NRG3: variants seen among roughly 807,000 people sequenced by gnomAD.
NRG3 encodes the protein neuregulin 3, also known as pro-neuregulin-3, membrane-bound isoform.
A neutral mutation model predicts 66.9 loss-of-function variants in NRG3; 31 were observed. That is an observed-to-expected ratio of 0.46 (90% CI 0.35 to 0.63). The LOEUF (loss-of-function observed/expected upper bound fraction) is 0.63, where lower values mean the gene tolerates loss of function less well. Among genes scored for constraint, NRG3 ranks in the 20% least tolerant of loss-of-function variants. The pLI, the probability that NRG3 is intolerant of heterozygous loss-of-function variation, is 0.00. For synonymous variants in NRG3, 393 were observed against 359.4 expected, an observed-to-expected ratio of 1.09 and a Z score of -1.06; for missense variants, 910 against 878.9, an observed-to-expected ratio of 1.04 and a Z score of -0.45.
chr10:81,923,710 T>C (rs1037338506), intron 1 of NRG3, among the ~76,000 whole-genome samples: 1 of 118,280 alleles, frequency 8.5e-6, no homozygotes, highest in Non-Finnish European at 1.7e-5. Flanking sequence ...ATGCTGTTTC[T>C]CTTAAGCCTT....
In NRG3 at chr10:82,084,905, GC is replaced by G. The variant is rs776913279; in HGVS notation, c.823+208743del. The stretch of plus-strand genomic sequence containing the variant: ...CTACACAATCAATGATGTTACCACT[GC>G]ATGAAGCTCCCTGAAAGTGTGCGTA... On this transcript the variant is annotated intron_variant, in intron 1 of 8. Transcript: ENST00000372141. Among the ~76,000 whole-genome samples the G allele has an allele frequency of 1.9e-3, 282 of 152,234 alleles. 1 individual carries two copies. The highest frequency in any genetic ancestry group is 2.5e-3 in the Non-Finnish European group (172 of 68,018).
At chr10:82,665,817 T>C (rs1565181502) in intron 2 of NRG3, among the ~76,000 whole-genome samples, 1 of 152,156 alleles carries the variant, frequency 6.6e-6, no homozygotes, top group Non-Finnish European at 1.5e-5. Flanking sequence ...GACTTTTCTT[T>C]TCCCTGGGCA....
At chr10:82,570,376 A>G (rs938171700) in intron 2 of NRG3, among the ~76,000 whole-genome samples, 4 of 151,656 alleles carry the variant, frequency 2.6e-5, no homozygotes, top group Non-Finnish European at 5.9e-5. Flanking sequence ...TATTTTTACT[A>G]TTTGATTGAT....
At chr10:82,669,333 G>A (rs2053064308) in intron 2 of NRG3, among the ~76,000 whole-genome samples, 1 of 151,280 alleles carries the variant, frequency 6.6e-6, no homozygotes, top group Non-Finnish European at 1.5e-5. Context: ...TTGAAGACTA[G>A]TCCCAGTACT....
intron 2 of NRG3, among the ~76,000 whole-genome samples, chr10:82,503,925 T>TGGACAACAGC (rs1798156814): frequency 6.6e-6 from 1 of 152,178 alleles, no homozygotes; most frequent in South Asian, 2.1e-4. Flanking sequence ...GCAGACGGCC[T>TGGACAACAGC]GGACAACAGC....
chr10:82,895,676 G>C (rs1262581918), intron 4 of NRG3, among the ~76,000 whole-genome samples: 1 of 151,946 alleles, frequency 6.6e-6, no homozygotes, highest in East Asian at 1.9e-4. Context: ...AATTTTAATA[G>C]AGACGGTGTT....
chr10:82,074,679 A>T (rs987041626), intron 1 of NRG3, among the ~76,000 whole-genome samples: 2 of 152,042 alleles, frequency 1.3e-5, no homozygotes, highest in African/African-American at 4.8e-5. Context: ...ACAAAGTTTT[A>T]AAAAAAGATT....
intron 1 of NRG3, among the ~76,000 whole-genome samples, chr10:82,085,035 G>C (rs2065635299): frequency 6.6e-6 from 1 of 152,120 alleles, no homozygotes; most frequent in South Asian, 2.1e-4. Flanking sequence ...AAGTTGAATT[G>C]TTAAGTGTGG....
chr10:82,234,468 C>T (rs911677863), intron 1 of NRG3, among the ~76,000 whole-genome samples: 10 of 152,060 alleles, frequency 6.6e-5, no homozygotes, highest in South Asian at 6.2e-4. Context: ...CGTTATGTTC[C>T]AGGAGAGTAG....
At chr10:82,928,795 G>T (rs564820353) in intron 4 of NRG3, among the ~76,000 whole-genome samples, 2 of 152,258 alleles carry the variant, frequency 1.3e-5, no homozygotes, top group Admixed American at 6.5e-5. Flanking sequence ...CCCCTGGGCT[G>T]TAATCTGTGG....
chr10:82,034,865 G>A (rs1487483633), intron 1 of NRG3, among the ~76,000 whole-genome samples: 1 of 151,908 alleles, frequency 6.6e-6, no homozygotes, highest in Non-Finnish European at 1.5e-5. Flanking sequence ...CACCTCCTAC[G>A]GTCTGGCAGC....
intron 1 of NRG3, among the ~76,000 whole-genome samples, chr10:82,070,114 T>G (rs7074858): frequency 0.81 from 122,741 of 152,172 alleles, 49,605 homozygotes; most frequent in South Asian, 0.86. Context: ...CATAGGTTTA[T>G]CTGAAGTCCA....
At chr10:82,572,234 T>C (rs543673939) in intron 2 of NRG3, among the ~76,000 whole-genome samples, 1 of 151,830 alleles carries the variant, frequency 6.6e-6, no homozygotes, top group East Asian at 1.9e-4. Flanking sequence ...GCTCCTCGTG[T>C]GTTCTTACTT....
chr10:81,906,264 A>G (rs1047962988), intron 1 of NRG3, among the ~76,000 whole-genome samples: 2 of 152,154 alleles, frequency 1.3e-5, no homozygotes, highest in Non-Finnish European at 2.9e-5. Flanking sequence ...TTCAGTTTCA[A>G]AGAAAAAAAA....
intron 1 of NRG3, among the ~76,000 whole-genome samples, chr10:82,214,791 T>A (rs2075579807): frequency 6.6e-6 from 1 of 152,230 alleles, no homozygotes; most frequent in African/African-American, 2.4e-5. Flanking sequence ...TTTGTAGGTT[T>A]GTATTTGTTT....
chr10:82,303,255 A>G (rs754261224), intron 1 of NRG3, among the ~76,000 whole-genome samples: 7 of 152,022 alleles, frequency 4.6e-5, no homozygotes, highest in Non-Finnish European at 8.8e-5. Context: ...TTATCCTGTC[A>G]TTACACCTCT....
intron 1 of NRG3, among the ~76,000 whole-genome samples, chr10:81,974,031 A>G (rs936283951): frequency 1.4e-4 from 21 of 152,102 alleles, no homozygotes; most frequent in Admixed American, 1.2e-3. Context: ...CAGAGTTTGT[A>G]TAGTTTTGGG....
intron 2 of NRG3, among the ~76,000 whole-genome samples, chr10:82,601,192 C>A (rs1257663297): frequency 6.6e-6 from 1 of 152,140 alleles, no homozygotes; most frequent in Non-Finnish European, 1.5e-5. Context: ...TTCAACCCAC[C>A]ATTGATGGGC....
At chr10:82,864,019 G>A (rs504006) in intron 3 of NRG3, among the ~76,000 whole-genome samples, 96,543 of 151,986 alleles carry the variant, frequency 0.64, 31,640 homozygotes, top group African/African-American at 0.8. Context: ...CTTTCTTTAT[G>A]TAATTAAATG....
Sources: allele counts gnomAD v4.1 joint callset (sites outside exome capture counted in the v4.1 genomes callset), GRCh38; gene constraint gnomAD v4.1.1; transcripts MANE v1.5; gene names NCBI Gene and HGNC (gene_info 2026-07-23, HGNC 2026-07-21).